Variants in DEF6 observed in about 807,000 individuals in gnomAD.
DEF6 encodes the protein DEF6 guanine nucleotide exchange factor.
Under a neutral mutation model 80.5 loss-of-function variants are expected in DEF6, and 32 were observed. The ratio of observed to expected loss-of-function variants is 0.40; its 90% CI spans 0.30 to 0.53. DEF6 has a LOEUF of 0.53. Ranked by LOEUF, DEF6 falls within the 20% of genes least tolerant of loss-of-function variation. DEF6 has a pLI of 0.57. For synonymous variants in DEF6, 300 were observed against 337.9 expected (o/e 0.89, Z 1.23); for missense variants, 575 against 818.7 (o/e 0.70, Z 3.63).
At chr6:35,315,053 A>G (rs970793639) in intron 5 of DEF6, among the ~76,000 whole-genome samples, 1 of 152,192 alleles carries the variant, frequency 6.6e-6, no homozygotes, top group Non-Finnish European at 1.5e-5. Context: ...GTGTTCCTGG[A>G]GCCTTTGTCA....
Position 35,319,895 on chromosome 6 carries a change from G to T in DEF6, c.1459G>T (p.Ala487Ser). The change falls in exon 9 of 11, where the codon GCG (alanine) becomes TCG (serine). Residue 487 changes from alanine (A) to serine (S), a missense_variant. Ala to Ser is a moderately conservative substitution (Grantham distance 99). Coordinates refer to ENST00000316637, the MANE Select transcript of DEF6 (RefSeq NM_022047.4). This position sits in a 1 kb window ranked among gnomAD's most constrained non-coding sequence, Gnocchi z 4.5. ...GGAGCAGGAGCGCTACATCGAACGG[G>T]CGCAGCAGGAGAAGGAAGAGCTGCA... ...KEEQERYIER[A>S]QQEKEELQQE... is the part of the protein sequence containing the mutation. The T allele has an allele frequency of 6.3e-7, 1 of 1,576,976 alleles. No homozygotes were observed. Among genetic ancestry groups the T allele is most frequent in the Non-Finnish European group, 8.6e-7 (1 of 1,161,244 alleles).
intron 5 of DEF6, among the ~76,000 whole-genome samples, chr6:35,316,889 G>C (rs1473693476): frequency 2.0e-5 from 3 of 152,112 alleles, no homozygotes; most frequent in African/African-American, 2.4e-5. Flanking sequence ...CCTGACCCCA[G>C]CTCCTAGTAT....
chr6:35,301,236 TGCTG>T (rs1791309139), intron 1 of DEF6, among the ~76,000 whole-genome samples: 1 of 152,176 alleles, frequency 6.6e-6, no homozygotes, highest in African/African-American at 2.4e-5. Context: ...TCCAAAAACC[TGCTG>T]GCTGGCTAGG....
At chr6:35,304,480 C>G (rs1443861120) in intron 1 of DEF6, among the ~76,000 whole-genome samples, 1 of 152,210 alleles carries the variant, frequency 6.6e-6, no homozygotes, top group African/African-American at 2.4e-5. Context: ...TGCAAAGGCC[C>G]TTGGGCAAGA....
intron 3 of DEF6, 88 bp downstream of exon 3, chr6:35,310,732 T>C: frequency 7.5e-7 from 1 of 1,335,582 alleles, no homozygotes; most frequent in Non-Finnish European, 1.1e-6. Flanking sequence ...CTTTGGTGCC[T>C]TCCCATATCC....
In DEF6 at chr6:35,318,287, A is replaced by G. The variant is rs1791546209; in HGVS notation, c.1031A>G (p.Glu344Gly). 6.4e-7 allele frequency: 1 copy of G among 1,561,666 alleles called. No homozygotes were observed. The highest frequency in any genetic ancestry group is 8.7e-7 in the Non-Finnish European group (1 of 1,154,586). Residue 344 changes from glutamate (E) to glycine (G), a missense_variant, in exon 7 of 11, where the codon GAA becomes GGA. Transcript: ENST00000316637. This position sits in a 1 kb window ranked among gnomAD's most constrained non-coding sequence, Gnocchi z 5.1. ...CGGGAGCGGCGCCGGGCGGCCAAGG[A>G]AGAGGAGCTGCTGCGGCTGCAGCAG... ...EQRERRRAAK[E>G]EELLRLQQLQ...
intron 5 of DEF6, chr6:35,313,307 G>A (rs1791491080): frequency 1.4e-5 from 6 of 431,356 alleles, no homozygotes; most frequent in East Asian, 1.5e-4. Context: ...CAATTCAGTG[G>A]CATTAAATAC....
chr6:35,321,484 C>T lies in DEF6; in HGVS notation c.*74C>T, dbSNP rs1408151438. 4.3e-6 allele frequency: 6 copies of T among 1,410,612 alleles called. No homozygotes were observed. Among genetic ancestry groups the T allele is most frequent in the Admixed American group, 1.9e-5 (1 of 51,326 alleles). The allele number at this position is 1,410,612 out of a possible 1,614,324, so 87.4% of individuals were successfully genotyped here. On this transcript the variant is annotated 3_prime_UTR_variant, in exon 11 of 11. Transcript: ENST00000316637. ...GCCACAGCTGGCCTGTGGGTGATCC[C>T]AGCTCTTACTAGGAGAGGGAGCTGA...
At chr6:35,313,297 C>G in intron 5 of DEF6, 1 of 427,320 alleles carries the variant, frequency 2.3e-6, no homozygotes, top group South Asian at 1.7e-5. Flanking sequence ...TTTAAGCGTA[C>G]AATTCAGTGG....
rs750671542 is a variant in DEF6, at chr6:35,319,503, C to T, written c.1216-21C>T. ...GCCCCTTTTGACCTGGCTCTTGGTC[C>T]ACCACCTCCCCCCTCCACAGGCCCG... On this transcript the variant is annotated intron_variant, in intron 7 of 10. Transcript: ENST00000316637. This position sits in a 1 kb window ranked among gnomAD's most constrained non-coding sequence, Gnocchi z 4.5. 5.0e-6 allele frequency: 8 copies of T among 1,593,236 alleles called. No homozygotes were observed. Among genetic ancestry groups the T allele is most frequent in the Non-Finnish European group, 6.8e-6 (8 of 1,168,762 alleles).
chr6:35,308,745 AAAAT>A lies in DEF6; in HGVS notation c.97-921_97-918del, dbSNP rs920354385. 3.6e-4 allele frequency among the ~76,000 whole-genome samples: 53 copies of A among 148,598 alleles called. 1 individual carries two copies. In the South Asian group the frequency reaches 8.4e-3, roughly 24 times the overall value. ...AATAAAATAAATAAAATAATAAAAT[AAAAT>A]AAAATAAAATAAAAAACAGTTTTAA... On this transcript the variant is annotated intron_variant, in intron 1 of 10. Coordinates refer to ENST00000316637, the MANE Select transcript of DEF6 (RefSeq NM_022047.4).
In DEF6 at chr6:35,303,483, T is replaced by A. The variant is rs996987728; in HGVS notation, c.96+5531T>A. 4.3e-4 allele frequency among the ~76,000 whole-genome samples: 66 copies of A among 152,198 alleles called. 1 individual carries two copies. Among genetic ancestry groups the A allele is most frequent in the African/African-American group, 1.5e-3 (63 of 41,440 alleles). Reference sequence around the variant, plus strand: ...GAAGTGTTTAAGTTCATTCAAGAGATACTTAATGAGCATCCATTAGGTGCC... The same window carrying A: ...GAAGTGTTTAAGTTCATTCAAGAGAAACTTAATGAGCATCCATTAGGTGCC... On this transcript the variant is annotated intron_variant, in intron 1 of 10. Coordinates refer to ENST00000316637, the MANE Select transcript of DEF6 (RefSeq NM_022047.4).
chr6:35,310,607 C>G lies in DEF6; in HGVS notation c.386C>G (p.Ser129Cys). The change falls in exon 3 of 11, where the codon TCT becomes TGT. Residue 129 changes from serine (S) to cysteine (C), a missense_variant. By Grantham distance (112) the Ser-to-Cys change is moderately radical (BLOSUM62 -1). Coordinates refer to ENST00000316637, the MANE Select transcript of DEF6 (RefSeq NM_022047.4). Reference protein sequence around the residue: ...FRLWCLFNFLSEDKYPLIMVP... With the variant: ...FRLWCLFNFLCEDKYPLIMVP... ...CTCTGGTGCCTCTTCAACTTCCTGT[C>G]TGAGGACAAGTACCCTCTGATCATG... is the stretch of plus-strand genomic sequence containing the variant. The G allele has an allele frequency of 6.2e-7, 1 of 1,614,206 alleles. No homozygotes were observed. The highest frequency in any genetic ancestry group is 8.5e-7 in the Non-Finnish European group (1 of 1,180,040).
intron 1 of DEF6, among the ~76,000 whole-genome samples, chr6:35,299,560 G>T (rs1346048593): frequency 6.6e-6 from 1 of 152,048 alleles, no homozygotes; most frequent in East Asian, 1.9e-4. Flanking sequence ...CCTCTAAAAG[G>T]GCCACTACCC....
At position 35,318,517 on chromosome 6, in the gene DEF6, G is replaced by A. The variant is rs962116350; in HGVS notation, c.1215+46G>A. The A allele has an allele frequency of 1.3e-5, 18 of 1,358,290 alleles. No homozygotes were observed. The highest frequency in any genetic ancestry group is 2.7e-4 in the Middle Eastern group (1 of 3,672). The allele number at this position is 1,358,290 out of a possible 1,614,324, so 84.1% of individuals were successfully genotyped here. A position where few individuals can be genotyped will look rare whatever the true frequency, so the allele number is the denominator to read the frequency against. On this transcript the variant is annotated intron_variant, in intron 7 of 10. Coordinates refer to ENST00000316637, the MANE Select transcript of DEF6 (RefSeq NM_022047.4). This position sits in a 1 kb window ranked among gnomAD's most constrained non-coding sequence, Gnocchi z 5.1. ...CGGGGACGGGACCGGTGGGCTGGGA[G>A]GCTGGCCAGGGGCGGAGCGCCGGGG...
chr6:35,311,090 T>C (rs762585583), intron 3 of DEF6, among the ~76,000 whole-genome samples: 2 of 152,200 alleles, frequency 1.3e-5, no homozygotes, highest in Non-Finnish European at 2.9e-5. Context: ...TTTCCCTTTC[T>C]GCCTTTCTTC....
At chr6:35,309,847 C>T in intron 2 of DEF6, 37 bp downstream of exon 2, 1 of 1,608,824 alleles carries the variant, frequency 6.2e-7, no homozygotes, top group Non-Finnish European at 8.5e-7. Context: ...TGTAACCTCT[C>T]CCCACTTTTC....
At chr6:35,311,810 A>G (rs1414589988) in intron 3 of DEF6, among the ~76,000 whole-genome samples, 1 of 152,128 alleles carries the variant, frequency 6.6e-6, no homozygotes, top group Admixed American at 6.5e-5. Flanking sequence ...CAAGGGAAAG[A>G]TCCCCAGGGT....
At position 35,318,015 on chromosome 6, in the gene DEF6, G is replaced by T. The variant is rs1214816863; in HGVS notation, c.916+16G>T. 1 of 1,607,978 alleles carries T rather than the reference G, an allele frequency of 6.2e-7. No homozygotes were observed. The highest frequency in any genetic ancestry group is 1.7e-5 in the Admixed American group (1 of 58,980). The stretch of plus-strand genomic sequence containing the variant: ...TGGACAGCTGGTGAGTGCTCGCTAG[G>T]TGGCTTGGGTCTGGGTGGTCCTTAG... On this transcript the variant is annotated intron_variant, in intron 6 of 10. Coordinates refer to ENST00000316637, the MANE Select transcript of DEF6 (RefSeq NM_022047.4). This position sits in a 1 kb window ranked among gnomAD's most constrained non-coding sequence, Gnocchi z 5.1.
Sources: gnomAD v4.1 joint callset for allele counts (sites outside exome capture counted in the v4.1 genomes callset) on GRCh38, gnomAD v4.1.1 for gene constraint, Gnocchi (gnomAD v3.1) non-coding constraint, MANE v1.5 for transcripts, NCBI Gene and HGNC (gene_info 2026-07-23, HGNC 2026-07-21) for gene names.